NR3C1: variants seen among roughly 807,000 people sequenced by gnomAD.
NR3C1 encodes glucocorticoid receptor.
Under a neutral mutation model 74.0 loss-of-function variants are expected in NR3C1, and 14 were observed. The observed-to-expected ratio is 0.19, with a 90% CI of 0.12 to 0.30. NR3C1 has a LOEUF of 0.30. NR3C1 is among the 10% of genes least tolerant of loss of function. The probability of loss-of-function intolerance (pLI) is 1.00; values close to 1 mark genes in which losing one functional copy is unlikely to be tolerated. For synonymous variants in NR3C1, 308 were observed against 332.5 expected, an observed-to-expected ratio of 0.93 and a Z score of 0.80; for missense variants, 695 against 909.8, an observed-to-expected ratio of 0.76 and a Z score of 3.04.
chr5:143,391,975 CT>C (rs1256014010), intron 2 of NR3C1, among the ~76,000 whole-genome samples: 4 of 146,878 alleles, frequency 2.7e-5, no homozygotes, highest in East Asian at 2.0e-4. Flanking sequence ...TTTTTTTTTT[CT>C]TTTTTTTGAG....
At chr5:143,316,480 C>A (rs533278235) in intron 2 of NR3C1, among the ~76,000 whole-genome samples, 1 of 152,076 alleles carries the variant, frequency 6.6e-6, no homozygotes, top group African/African-American at 2.4e-5. Flanking sequence ...TGTAGTACTT[C>A]GTAGTTTTAG....
At chr5:143,408,057 A>G (rs1241694339), upstream of NR3C1, among the ~76,000 whole-genome samples, 4 of 152,206 alleles carry the variant, frequency 2.6e-5, no homozygotes, top group Non-Finnish European at 4.4e-5. Context: ...AACTTTTGAA[A>G]CCTAAAACCT....
intron 1 of NR3C1, among the ~76,000 whole-genome samples, 160 bp downstream of exon 1, chr5:143,403,051 C>T (rs1411503110): frequency 1.3e-5 from 2 of 151,728 alleles, no homozygotes; most frequent in Non-Finnish European, 2.9e-5. Context: ...GCGCGCTGCC[C>T]TTTCGTCACC....
intron 2 of NR3C1, among the ~76,000 whole-genome samples, chr5:143,333,999 T>C (rs1826580059): frequency 1.3e-5 from 2 of 152,146 alleles, no homozygotes; most frequent in African/African-American, 4.8e-5. Flanking sequence ...AAGCATGCGT[T>C]TTGTTGTTTT....
chr5:143,423,670 C>T (rs944699699), intron 1 of NR3C1, among the ~76,000 whole-genome samples: 14 of 152,046 alleles, frequency 9.2e-5, no homozygotes, highest in African/African-American at 2.7e-4. Context: ...CCATGTTTAC[C>T]GCAGCACTAT....
exon 1 of NR3C1, chr5:143,434,860 C>A: frequency 1.0e-6 from 1 of 985,436 alleles, no homozygotes; most frequent in Non-Finnish European, 1.2e-6. Context: ...AGCTACACAA[C>A]TCTTGATGAA....
chr5:143,419,902 T>C (rs1751130114), intron 1 of NR3C1, among the ~76,000 whole-genome samples: 1 of 152,060 alleles, frequency 6.6e-6, no homozygotes, highest in Non-Finnish European at 1.5e-5. Flanking sequence ...GTTTATTTCA[T>C]CCCTACAGTT....
At chr5:143,367,863 T>C (rs1833532705) in intron 2 of NR3C1, among the ~76,000 whole-genome samples, 2 of 152,212 alleles carry the variant, frequency 1.3e-5, no homozygotes, top group Admixed American at 6.5e-5. Context: ...TGAACTTCAA[T>C]TGCCTCTTTT....
rs1160967148 is a variant in NR3C1, at chr5:143,279,964, C to T, written c.*1925G>A. On this transcript the variant is annotated 3_prime_UTR_variant, in exon 9 of 9. Coordinates refer to ENST00000394464, the MANE Select transcript of NR3C1 (RefSeq NM_000176.3). The stretch of plus-strand genomic sequence containing the variant: ...AACTAAACCTGCGCTGACAGACTCA[C>T]TGTTGGAATGAGAAGGGTGGTCAGA... 6.5e-6 allele frequency: 1 copy of T among 152,748 alleles called. No homozygotes were observed. The highest frequency in any genetic ancestry group is 2.4e-5 in the African/African-American group (1 of 41,438). 9.5% of individuals were successfully genotyped at this position (152,748 alleles called of 1,614,324 possible).
chr5:143,315,851 G>A (rs527947049), intron 2 of NR3C1, among the ~76,000 whole-genome samples: 4 of 152,182 alleles, frequency 2.6e-5, no homozygotes, highest in African/African-American at 4.8e-5. Flanking sequence ...CCAAACGATC[G>A]CCCTAAATTC....
chr5:143,374,303 T>C (rs1368380764), intron 2 of NR3C1, among the ~76,000 whole-genome samples: 2 of 151,996 alleles, frequency 1.3e-5, no homozygotes, highest in Non-Finnish European at 2.9e-5. Flanking sequence ...CCATCCTGGC[T>C]AACACAGTGA....
chr5:143,403,080 G>GC (rs1180490735), intron 1 of NR3C1, 131 bp downstream of exon 1: 213 of 764,882 alleles, frequency 2.8e-4, no homozygotes, highest in Admixed American at 3.8e-4. Flanking sequence ...GCCCTTGCCA[G>GC]CCCCCCACCC....
chr5:143,367,861 A>G (rs1381413593), intron 2 of NR3C1, among the ~76,000 whole-genome samples: 4 of 152,228 alleles, frequency 2.6e-5, no homozygotes, highest in African/African-American at 9.6e-5. Context: ...TCTGAACTTC[A>G]ATTGCCTCTT....
At chr5:143,368,218 C>T (rs1833607732) in intron 2 of NR3C1, among the ~76,000 whole-genome samples, 1 of 152,168 alleles carries the variant, frequency 6.6e-6, no homozygotes, top group South Asian at 2.1e-4. Flanking sequence ...CCCTACTTCA[C>T]ACCATATACA....
In NR3C1 at chr5:143,403,422, C is replaced by T. The variant is rs562457360; in HGVS notation, c.-225G>A. ...TTGCCCAGCTGACAAGCCAGCCCTC[C>T]GCCCCGCGCCGGGCTCCGCGGGTCG... On this transcript the variant is annotated 5_prime_UTR_variant, in exon 1 of 9. Transcript: ENST00000394464. The T allele has an allele frequency of 9.2e-6, 9 of 975,150 alleles. No homozygotes were observed. In the African/African-American group the frequency reaches 1.3e-4, roughly 14 times the overall value. 60.4% of individuals were successfully genotyped at this position (975,150 alleles called of 1,614,324 possible).
intron 1 of NR3C1, among the ~76,000 whole-genome samples, chr5:143,417,924 A>G (rs945557249): frequency 3.9e-5 from 6 of 152,220 alleles, no homozygotes; most frequent in Non-Finnish European, 5.9e-5. Context: ...ATGAAACCCA[A>G]GAGAACCATA....
At chr5:143,373,116 T>C (rs1834507594) in intron 2 of NR3C1, among the ~76,000 whole-genome samples, 1 of 152,208 alleles carries the variant, frequency 6.6e-6, no homozygotes, top group South Asian at 2.1e-4. Flanking sequence ...TAAAAGTTGA[T>C]GAGAACACTT....
In NR3C1 at chr5:143,279,043, G is replaced by T. The variant is rs1250676377; in HGVS notation, c.*2846C>A. On this transcript the variant is annotated 3_prime_UTR_variant, in exon 9 of 9. Coordinates refer to ENST00000394464, the MANE Select transcript of NR3C1 (RefSeq NM_000176.3). ...CTAAAAATACTTTTCAGGATTTGTT[G>T]TGAGTAACCAACTCTCACTGAAGTT... 4 of 333,252 alleles carry T rather than the reference G, an allele frequency of 1.2e-5. No homozygotes were observed. Among genetic ancestry groups the T allele is most frequent in the South Asian group, 3.8e-5 (1 of 26,476 alleles). The allele number at this position is 333,252 out of a possible 1,614,324, so 20.6% of individuals were successfully genotyped here. A position where few individuals can be genotyped will look rare whatever the true frequency, so the allele number is the denominator to read the frequency against.
chr5:143,285,965 CTG>C (rs1814328988), intron 7 of NR3C1, among the ~76,000 whole-genome samples: 4 of 136,998 alleles, frequency 2.9e-5, no homozygotes, highest in Non-Finnish European at 6.2e-5. Context: ...TTTAGCCAGA[CTG>C]ATTAAAAAAA....
Sources: gnomAD v4.1 joint callset for allele counts (sites outside exome capture counted in the v4.1 genomes callset) on GRCh38, gnomAD v4.1.1 for gene constraint, MANE v1.5 for transcripts, NCBI Gene and HGNC (gene_info 2026-07-23, HGNC 2026-07-21) for gene names.